Variants in NETO1 observed in about 807,000 individuals in gnomAD.
The protein encoded by NETO1 is neuropilin and tolloid-like protein 1.
A neutral mutation model predicts 61.3 loss-of-function variants in NETO1; 26 were observed. The observed-to-expected ratio is 0.42, with a 90% confidence interval of 0.31 to 0.59. The LOEUF is 0.59. Among genes scored for constraint, NETO1 ranks in the 20% least tolerant of loss-of-function variants. NETO1 has a pLI of 0.12. For missense variants in NETO1, 531 were observed against 662.8 expected, an observed-to-expected ratio of 0.80 and a Z score of 2.18; for synonymous variants, 225 against 225.8, an observed-to-expected ratio of 1.00 and a Z score of 0.03.
At chr18:72,778,075 G>A (rs1446018963) in intron 7 of NETO1, among the ~76,000 whole-genome samples, 1 of 152,212 alleles carries the variant, frequency 6.6e-6, no homozygotes, top group Non-Finnish European at 1.5e-5. Flanking sequence ...CAGTGAGGAA[G>A]ACTACTGCCA....
At chr18:72,856,161 T>C (rs1042333340) in intron 4 of NETO1, among the ~76,000 whole-genome samples, 15 of 152,170 alleles carry the variant, frequency 9.9e-5, no homozygotes, top group African/African-American at 2.4e-4. Context: ...GACTGCGAGA[T>C]TACATCTAGA....
chr18:72,801,854 T>C (rs2072518616), intron 4 of NETO1, among the ~76,000 whole-genome samples: 1 of 152,160 alleles, frequency 6.6e-6, no homozygotes, highest in Admixed American at 6.5e-5. Flanking sequence ...ATTTTTCTTA[T>C]GGTGAAGGAT....
intron 7 of NETO1, among the ~76,000 whole-genome samples, chr18:72,770,934 C>T (rs1200839237): frequency 6.6e-6 from 1 of 151,978 alleles, no homozygotes; most frequent in Non-Finnish European, 1.5e-5. Flanking sequence ...ATTTATTTTT[C>T]CATAACTAAC....
chr18:72,811,155 T>C (rs1457549764), intron 4 of NETO1, among the ~76,000 whole-genome samples: 2 of 152,140 alleles, frequency 1.3e-5, no homozygotes, highest in Non-Finnish European at 2.9e-5. Context: ...CTCCATGCCT[T>C]TGCCCCTCCA....
At chr18:72,783,987 G>A (rs2071829091) in intron 6 of NETO1, 81 bp from the exon 7 acceptor site, 2 of 937,510 alleles carry the variant, frequency 2.1e-6, no homozygotes, top group Non-Finnish European at 3.3e-6. Context: ...CTCTTTTTCA[G>A]TCTCACAAGA....
chr18:72,865,739 T>C (rs1269442987), intron 1 of NETO1: 9 of 1,485,522 alleles, frequency 6.1e-6, no homozygotes, highest in Non-Finnish European at 8.1e-6. Flanking sequence ...CTACAGACTG[T>C]GGAGGAGGAG....
chr18:72,820,146 G>A (rs1033669513), intron 4 of NETO1, among the ~76,000 whole-genome samples: 6 of 152,044 alleles, frequency 3.9e-5, no homozygotes, highest in Admixed American at 3.3e-4. Flanking sequence ...ATTTTAAAAT[G>A]GTCTTTTGAC....
chr18:72,750,355 A>G lies in NETO1; in HGVS notation c.1248T>C (p.Asn416=). ...DFADVADDFE[N]YHKLRRSSSK... Reference sequence around the variant, plus strand: ...AAGATGACCTCCGCAGTTTATGGTAATTTTCAAAGTCATCTGCCACATCTG... The same window carrying G: ...AAGATGACCTCCGCAGTTTATGGTAGTTTTCAAAGTCATCTGCCACATCTG... The change falls in exon 9 of 11, where the codon AAT becomes AAC. Residue 416 remains asparagine (N), a synonymous_variant. Coordinates refer to ENST00000327305, the MANE Select transcript of NETO1 (RefSeq NM_138966.5). The G allele has an allele frequency of 1.9e-6, 3 of 1,613,922 alleles. No individual in the cohort carries two copies. Among genetic ancestry groups the G allele is most frequent in the Non-Finnish European group, 2.5e-6 (3 of 1,179,986 alleles).
At chr18:72,855,850 T>C (rs2074397493) in intron 4 of NETO1, among the ~76,000 whole-genome samples, 1 of 152,214 alleles carries the variant, frequency 6.6e-6, no homozygotes, top group Admixed American at 6.5e-5. Flanking sequence ...AGATGAATTA[T>C]CAAACCTTTG....
chr18:72,766,443 C>T (rs2071164707), intron 7 of NETO1, among the ~76,000 whole-genome samples: 1 of 151,916 alleles, frequency 6.6e-6, no homozygotes. Context: ...GAGGAAATGA[C>T]ATTTTATTTG....
chr18:72,859,213 T>C, intron 3 of NETO1, 139 bp from the exon 4 acceptor site: 1 of 831,174 alleles, frequency 1.2e-6, no homozygotes, highest in Non-Finnish European at 1.8e-6. Flanking sequence ...AAAGAAAGCA[T>C]ATGATACTAT....
intron 7 of NETO1, among the ~76,000 whole-genome samples, chr18:72,775,481 T>C (rs887517612): frequency 6.6e-6 from 1 of 152,186 alleles, no homozygotes; most frequent in Non-Finnish European, 1.5e-5. Context: ...CCTCTCGTTA[T>C]AGTGTACTTT....
chr18:72,757,089 T>C (rs2081158007), intron 7 of NETO1, among the ~76,000 whole-genome samples: 1 of 152,122 alleles, frequency 6.6e-6, no homozygotes, highest in South Asian at 2.1e-4. Context: ...GCAATTCTAG[T>C]GTTTCTTTTT....
chr18:72,824,444 T>A (rs2073309679), intron 4 of NETO1, among the ~76,000 whole-genome samples: 1 of 152,196 alleles, frequency 6.6e-6, no homozygotes, highest in Non-Finnish European at 1.5e-5. Flanking sequence ...GAATTAAAAG[T>A]CCCTTTTGAA....
chr18:72,851,549 T>G (rs2145577443), intron 4 of NETO1, among the ~76,000 whole-genome samples: 1 of 152,300 alleles, frequency 6.6e-6, no homozygotes, highest in African/African-American at 2.4e-5. Context: ...CACAGAAGAC[T>G]ATGTCAGTAA....
At position 72,830,183 on chromosome 18, in the gene NETO1, T is replaced by C. The variant is rs926716728; in HGVS notation, c.469+28643A>G. ...TCATGCATGTAAGCCGTCCACAGCA[T>C]AGAGGAAGCGGCGGCACAGGGAAGG... On this transcript the variant is annotated intron_variant, in intron 4 of 10. Coordinates refer to ENST00000327305, the MANE Select transcript of NETO1 (RefSeq NM_138966.5). The surrounding 1 kb of genome is among the most constrained non-coding windows in gnomAD (Gnocchi z 4.9). Among the ~76,000 whole-genome samples the C allele has an allele frequency of 7.9e-5, 12 of 151,992 alleles. No individual in the cohort carries two copies. The highest frequency in any genetic ancestry group is 1.6e-4 in the Non-Finnish European group (11 of 67,992).
chr18:72,767,521 T>C (rs936664926), intron 7 of NETO1, among the ~76,000 whole-genome samples: 5 of 152,230 alleles, frequency 3.3e-5, no homozygotes, highest in Non-Finnish European at 7.3e-5. Flanking sequence ...ATACTTGTTT[T>C]GGTCAAATTA....
rs2073549154 is a variant in NETO1, at chr18:72,830,745, C to T, written c.469+28081G>A. ...ATTTTAACCACCTCCACTTTGACTGCATTTTCCCTCAAATTCACCATCTCC... is the reference window on the plus strand; with the variant it reads ...ATTTTAACCACCTCCACTTTGACTGTATTTTCCCTCAAATTCACCATCTCC... On this transcript the variant is annotated intron_variant, in intron 4 of 10. Coordinates refer to ENST00000327305, the MANE Select transcript of NETO1 (RefSeq NM_138966.5). This position sits in a 1 kb window ranked among gnomAD's most constrained non-coding sequence, Gnocchi z 4.9. 6.6e-6 allele frequency among the ~76,000 whole-genome samples: 1 copy of T among 152,148 alleles called. No homozygotes were observed. Among genetic ancestry groups the T allele is most frequent in the Admixed American group, 6.5e-5 (1 of 15,276 alleles).
chr18:72,782,104 AT>A (rs935066941), intron 7 of NETO1, among the ~76,000 whole-genome samples: 2 of 151,944 alleles, frequency 1.3e-5, no homozygotes, highest in Non-Finnish European at 2.9e-5. Flanking sequence ...GCGGTATTTG[AT>A]TTTCTGTTAC....
Sources: gnomAD v4.1 joint callset for allele counts (sites outside exome capture counted in the v4.1 genomes callset) on GRCh38, gnomAD v4.1.1 for gene constraint, Gnocchi (gnomAD v3.1) non-coding constraint, MANE v1.5 for transcripts, NCBI Gene and HGNC (gene_info 2026-07-23, HGNC 2026-07-21) for gene names.